The following SYNE1 variants were observed in gnomAD, a reference collection of about 807,000 sequenced individuals.
SYNE1 encodes spectrin repeat containing nuclear envelope protein 1.
A neutral mutation model predicts 1,111.0 loss-of-function variants in SYNE1; 616 were observed. The ratio of observed to expected loss-of-function variants is 0.55; its 90% CI spans 0.52 to 0.59. The LOEUF (loss-of-function observed/expected upper bound fraction) is 0.59, where lower values mean the gene tolerates loss of function less well. SYNE1 is among the 20% of genes least tolerant of loss of function. SYNE1 has a pLI of 0.00. For missense variants in SYNE1, 10,006 were observed against 10,417.0 expected, an observed-to-expected ratio of 0.96 and a Z score of 1.72; for synonymous variants, 3,855 against 3,825.8, an observed-to-expected ratio of 1.01 and a Z score of -0.28.
intron 129 of SYNE1, 22 bp from the exon 130 acceptor site, chr6:152,176,582 C>G: frequency 1.9e-6 from 3 of 1,612,486 alleles, no homozygotes; most frequent in Non-Finnish European, 2.5e-6. Context: ...ATAGCAATCA[C>G]AGAGGTCAGA....
At chr6:152,257,862 A>G (rs1031582101) in intron 101 of SYNE1, among the ~76,000 whole-genome samples, 1 of 152,186 alleles carries the variant, frequency 6.6e-6, no homozygotes, top group Non-Finnish European at 1.5e-5. Context: ...ATGCCAAAAA[A>G]TTCCCTAAAA....
intron 76 of SYNE1, chr6:152,336,113 A>G (rs1262625814): frequency 1.3e-5 from 2 of 152,476 alleles, no homozygotes; most frequent in Non-Finnish European, 2.9e-5. Flanking sequence ...ATAAGCTTAC[A>G]GTCCTACAGT....
Position 152,326,313 on chromosome 6 carries a change from T to C in SYNE1, c.15276A>G (p.Gln5092=). The C allele has an allele frequency of 6.2e-7, 1 of 1,614,188 alleles. No individual in the cohort carries two copies. The highest frequency in any genetic ancestry group is 8.5e-7 in the Non-Finnish European group (1 of 1,180,028). The change falls in exon 79 of 146, where the codon CAA becomes CAG. Residue 5092 remains glutamine, a synonymous_variant. Transcript: ENST00000367255. ...TGAAATACCTCTGCAAGAGATCCAC[T>C]TGGGCACCAGAGTCCCGGCTCATCC... ...SQRMSRDSGA[Q]VDLLQRCTAQ... is the part of the protein sequence containing the mutation.
At chr6:152,127,453 T>C (rs2053863192) in intron 145 of SYNE1, 1 of 152,168 alleles carries the variant, frequency 6.6e-6, no homozygotes, top group African/African-American at 2.4e-5. Context: ...TTATCACTAT[T>C]ATCTGTATAA....
Position 152,430,610 on chromosome 6 carries a change from G to A in SYNE1, c.4561C>T (p.Arg1521Ter), listed in dbSNP as rs771760718. The A allele has an allele frequency of 2.0e-5, 33 of 1,613,972 alleles. No individual in the cohort carries two copies. The highest frequency in any genetic ancestry group is 2.6e-5 in the Non-Finnish European group (31 of 1,179,962). The part of the protein sequence containing the change: ...AQFVTTGESA[R>*]IKAKLTQIRR... Reference sequence around the variant, plus strand: ...ATTTGTGTCAACTTGGCTTTAATTCGAGCAGATTCTCCAGTGGTAACAAAC... The same window carrying A: ...ATTTGTGTCAACTTGGCTTTAATTCAAGCAGATTCTCCAGTGGTAACAAAC... Residue 1521 changes from arginine to a stop codon, truncating the protein, a stop_gained, in exon 35 of 146, where the codon CGA (arginine) becomes TGA (stop). Coordinates refer to ENST00000367255, the MANE Select transcript of SYNE1 (RefSeq NM_182961.4). LOFTEE classifies it high-confidence loss of function.
At chr6:152,295,610 TTACTGACACACACACACACACA>T (rs1187934941) in intron 93 of SYNE1, among the ~76,000 whole-genome samples, 1 of 150,396 alleles carries the variant, frequency 6.6e-6, no homozygotes, top group African/African-American at 2.5e-5. Flanking sequence ...TGTGTGTGTG[TTACTGACACACACACACACACA>T]TACACACACA....
In SYNE1 at chr6:152,485,563, C is replaced by A. The variant is rs2098934768; in HGVS notation, c.1048-591G>T. ...CATGGTATTAAAATATTAAGTATATCACAGTACAGTTGACATCAATGTATT... is the reference window on the plus strand; with the variant it reads ...CATGGTATTAAAATATTAAGTATATAACAGTACAGTTGACATCAATGTATT... On this transcript the variant is annotated intron_variant, in intron 12 of 145. Transcript: ENST00000367255. Among the ~76,000 whole-genome samples, 3 of 152,074 alleles carry A rather than the reference C, an allele frequency of 2.0e-5. No homozygotes were observed. In the South Asian group the frequency reaches 6.2e-4, roughly 32 times the overall value.
chr6:152,218,533 T>C, intron 120 of SYNE1, 130 bp from the exon 121 acceptor site: 1 of 1,004,284 alleles, frequency 1.0e-6, no homozygotes, highest in Non-Finnish European at 1.5e-6. Context: ...TGCCATTCTC[T>C]AGACGTTCCT....
intron 14 of SYNE1, chr6:152,478,479 A>T (rs1462051671): frequency 6.6e-6 from 1 of 152,304 alleles, no homozygotes; most frequent in Non-Finnish European, 1.5e-5. Flanking sequence ...TCTAATGTAC[A>T]CATAGAGAGG....
intron 131 of SYNE1, among the ~76,000 whole-genome samples, chr6:152,158,424 T>C (rs990891904): frequency 6.6e-6 from 1 of 152,242 alleles, no homozygotes; most frequent in African/African-American, 2.4e-5. Flanking sequence ...CTTATTTTTT[T>C]CCTTGATGCC....
chr6:152,187,062 A>C (rs2763015), intron 128 of SYNE1, among the ~76,000 whole-genome samples: 96,063 of 152,158 alleles, frequency 0.63, 32,096 homozygotes, highest in African/African-American at 0.87. Context: ...CTATGCGTAA[A>C]TCCATGTAAA....
chr6:152,224,587 G>C lies in SYNE1; in HGVS notation c.21429C>G (p.Asn7143Lys). The C allele has an allele frequency of 6.2e-6, 10 of 1,613,946 alleles. No individual in the cohort carries two copies. Among genetic ancestry groups the C allele is most frequent in the Non-Finnish European group, 8.5e-6 (10 of 1,179,934 alleles). Reference sequence around the variant, plus strand: ...AGTATCTGGCCTCCATGAGGTAACTGTTTATCTTGTCAAAGGCCACTTTGT... The same window carrying C: ...AGTATCTGGCCTCCATGAGGTAACTCTTTATCTTGTCAAAGGCCACTTTGT... ...SSHKVAFDKI[N>K]SYLMEARYSL... is the part of the protein sequence containing the mutation. The change falls in exon 117 of 146, where the codon AAC (asparagine) becomes AAG (lysine). Residue 7143 changes from asparagine to lysine, a missense_variant. Physicochemically the swap from Asn to Lys is moderately conservative, Grantham distance 94. This residue lies in a region of SYNE1 where 2,182 missense variants were observed against 2,287.8 expected (regional missense o/e 0.95). Coordinates refer to ENST00000367255, the MANE Select transcript of SYNE1 (RefSeq NM_182961.4).
chr6:152,356,742 A>T (rs995046888), intron 66 of SYNE1, among the ~76,000 whole-genome samples: 33 of 152,126 alleles, frequency 2.2e-4, no homozygotes, highest in African/African-American at 8.0e-4. Context: ...TGCCACTAGC[A>T]TCTTCCTTCT....
intron 111 of SYNE1, 142 bp from the exon 112 acceptor site, chr6:152,234,105 G>C (rs1266210199): frequency 2.2e-6 from 2 of 912,586 alleles, no homozygotes; most frequent in Non-Finnish European, 3.4e-6. Flanking sequence ...AATGAAAGCA[G>C]TACACCCTTG....
rs2097811079 is a variant in SYNE1, at chr6:152,401,225, A to T, written c.6942T>A (p.Asn2314Lys). The T allele has an allele frequency of 6.2e-7, 1 of 1,614,048 alleles. No homozygotes were observed. Among genetic ancestry groups the T allele is most frequent in the Non-Finnish European group, 8.5e-7 (1 of 1,180,024 alleles). Residue 2314 changes from asparagine to lysine, a missense_variant, in exon 47 of 146, where the codon AAT (asparagine) becomes AAA (lysine). Transcript: ENST00000367255. ...AQSTQVEKFI[N>K]DITTWFTKVE... is the part of the protein sequence containing the mutation. ...CTTTTGTGAACCATGTTGTTATGTCATTAATAAACTTCTCCACTTGTGTAC... is the reference window on the plus strand; with the variant it reads ...CTTTTGTGAACCATGTTGTTATGTCTTTAATAAACTTCTCCACTTGTGTAC...
Position 152,612,338 on chromosome 6 carries a change from A to G in SYNE1, c.67+15927T>C, listed in dbSNP as rs557268982. Among the ~76,000 whole-genome samples the G allele has an allele frequency of 7.2e-5, 11 of 151,754 alleles. No homozygotes were observed. The East Asian group carries it at 1.7e-3, about 24-fold the overall frequency. ...ATATCACCACAGATCCCACAGAAAT[A>G]CAAACTATAATCAGAGAATACTATA... On this transcript the variant is annotated intron_variant, in intron 3 of 145. Transcript: ENST00000367255.
intron 5 of SYNE1, among the ~76,000 whole-genome samples, chr6:152,524,534 C>G (rs1202296319): frequency 6.6e-6 from 1 of 152,036 alleles, no homozygotes; most frequent in Non-Finnish European, 1.5e-5. Flanking sequence ...ATGACTCCCA[C>G]AACCTAATGC....
At position 152,200,875 on chromosome 6, in the gene SYNE1, C is replaced by T. The variant is rs191855003; in HGVS notation, c.23145+949G>A. Among the ~76,000 whole-genome samples, 586 of 152,260 alleles carry T rather than the reference C, an allele frequency of 3.8e-3. 1 individual carries two copies. Among genetic ancestry groups the T allele is most frequent in the Non-Finnish European group, 5.5e-3 (376 of 68,018 alleles). ...GCCTTTTTCAAGTTTCAAATAATATCCTTAGATTTTACAACTGAAGAAAAA... is the reference window on the plus strand; with the variant it reads ...GCCTTTTTCAAGTTTCAAATAATATTCTTAGATTTTACAACTGAAGAAAAA... On this transcript the variant is annotated intron_variant, in intron 127 of 145. Transcript: ENST00000367255.
chr6:152,217,530 TAAA>T (rs1232769133), intron 121 of SYNE1, among the ~76,000 whole-genome samples: 1 of 152,064 alleles, frequency 6.6e-6, no homozygotes, highest in Non-Finnish European at 1.5e-5. Context: ...GTAAAACCCT[TAAA>T]AAGAACAAAA....
Sources: gnomAD v4.1 joint callset for allele counts (sites outside exome capture counted in the v4.1 genomes callset) on GRCh38, gnomAD v4.1.1 for gene constraint, gnomAD v4.1.1 regional missense constraint, MANE v1.5 for transcripts, NCBI Gene and HGNC (gene_info 2026-07-23, HGNC 2026-07-21) for gene names.